PAWR: variants seen among roughly 807,000 people sequenced by gnomAD.
PAWR encodes the protein pro-apoptotic WT1 regulator.
In PAWR, 23 loss-of-function variants were observed where a neutral mutation model predicts 32.0. The observed-to-expected ratio is 0.72, with a 90% CI of 0.52 to 1.02. The LOEUF is 1.02. Among genes scored for constraint, PAWR ranks in the 50% least tolerant of loss-of-function variants. The pLI is 0.00. For missense variants in PAWR, 457 were observed against 437.7 expected (o/e 1.04, Z -0.39); for synonymous variants, 226 against 187.1 (o/e 1.21, Z -1.70).
chr12:79,677,894 C>T (rs1019936397), intron 2 of PAWR, among the ~76,000 whole-genome samples: 1 of 152,108 alleles, frequency 6.6e-6, no homozygotes, highest in African/African-American at 2.4e-5. Context: ...TCAGGGATAA[C>T]GTTAAGCTAT....
chr12:79,659,506 G>A (rs187872653), intron 2 of PAWR, among the ~76,000 whole-genome samples: 236 of 152,190 alleles, frequency 1.6e-3, no homozygotes, highest in African/African-American at 5.3e-3. Flanking sequence ...TTGTACAGAA[G>A]TAATACATGA....
At chr12:79,609,052 G>A (rs6539470) in intron 4 of PAWR, among the ~76,000 whole-genome samples, 35,049 of 151,896 alleles carry the variant, frequency 0.23, 10,923 homozygotes, top group African/African-American at 0.71. Flanking sequence ...CTGGGTGACA[G>A]GAGTGAGACT....
intron 2 of PAWR, among the ~76,000 whole-genome samples, chr12:79,626,345 C>T (rs1470784776): frequency 2.7e-5 from 4 of 148,890 alleles, no homozygotes; most frequent in Non-Finnish European, 4.5e-5. Context: ...CTGCAAGCTC[C>T]GCCTCCCAGG....
chr12:79,676,636 T>C (rs550823223), intron 2 of PAWR, among the ~76,000 whole-genome samples: 1 of 152,280 alleles, frequency 6.6e-6, no homozygotes, highest in East Asian at 1.9e-4. Context: ...TATGAACATA[T>C]CCTGCTCAAG....
rs201988287 is a variant in PAWR at position 79,681,695 on chromosome 12, C to CT, written c.516+8033dup. Among the ~76,000 whole-genome samples, 262 of 151,832 alleles carry CT rather than the reference C, an allele frequency of 1.7e-3. 1 individual carries two copies. The highest frequency in any genetic ancestry group is 5.8e-3 in the African/African-American group (239 of 41,404). On this transcript the variant is annotated intron_variant, in intron 2 of 6. Coordinates refer to ENST00000328827, the MANE Select transcript of PAWR (RefSeq NM_002583.4). ...GAGAGAACTACAGTGAACACACTGC[C>CT]TTTTTTTTAACACATTACTTCTACT... is the stretch of plus-strand genomic sequence containing the variant.
chr12:79,652,872 A>C (rs1171363477), intron 2 of PAWR, among the ~76,000 whole-genome samples: 1 of 152,222 alleles, frequency 6.6e-6, no homozygotes, highest in African/African-American at 2.4e-5. Context: ...AAAGTAATAA[A>C]ATAATATAGA....
chr12:79,585,310 C>G lies in PAWR; in HGVS notation c.*7297G>C. 3.7e-6 allele frequency: 1 copy of G among 266,854 alleles called. No homozygotes were observed. Among genetic ancestry groups the G allele is most frequent in the Non-Finnish European group, 7.3e-6 (1 of 137,190 alleles). The allele number at this position is 266,854 out of a possible 1,614,324, so 16.5% of individuals were successfully genotyped here. A position where few individuals can be genotyped will look rare whatever the true frequency, so the allele number is the denominator to read the frequency against. On this transcript the variant is annotated 3_prime_UTR_variant, in exon 7 of 7. Coordinates refer to ENST00000328827, the MANE Select transcript of PAWR (RefSeq NM_002583.4). ...AAATTACATGAAGCGCTTGTTAAAACAGATTGAGCCCCATCTGCAAAGTTT... is the reference window on the plus strand; with the variant it reads ...AAATTACATGAAGCGCTTGTTAAAAGAGATTGAGCCCCATCTGCAAAGTTT...
intron 2 of PAWR, among the ~76,000 whole-genome samples, chr12:79,657,533 C>T (rs1232430949): frequency 2.0e-5 from 3 of 152,128 alleles, no homozygotes; most frequent in African/African-American, 4.8e-5. Flanking sequence ...GGCTCACGCC[C>T]GTAATCCCAG....
chr12:79,626,352 C>A (rs1214033034), intron 2 of PAWR, among the ~76,000 whole-genome samples: 3 of 149,204 alleles, frequency 2.0e-5, no homozygotes, highest in Non-Finnish European at 3.0e-5. Flanking sequence ...CTCCGCCTCC[C>A]AGGTTCACAC....
At chr12:79,627,483 G>T (rs1875394025) in intron 2 of PAWR, among the ~76,000 whole-genome samples, 2 of 152,106 alleles carry the variant, frequency 1.3e-5, no homozygotes, top group Admixed American at 1.3e-4. Flanking sequence ...GTAGGTTCTG[G>T]ATATTAGCCC....
intron 4 of PAWR, among the ~76,000 whole-genome samples, chr12:79,609,923 G>T (rs1329317346): frequency 6.6e-6 from 1 of 152,208 alleles, no homozygotes; most frequent in Non-Finnish European, 1.5e-5. Context: ...GACTTCAGGG[G>T]TAGTGGGCAT....
chr12:79,604,696 G>C (rs1011147246), intron 4 of PAWR: 2 of 1,288,140 alleles, frequency 1.6e-6, no homozygotes, highest in African/African-American at 3.0e-5. Context: ...ACAGCTCCTT[G>C]CTCTGTGTAG....
intron 4 of PAWR, among the ~76,000 whole-genome samples, chr12:79,602,070 C>T (rs946228805): frequency 5.9e-5 from 9 of 152,048 alleles, no homozygotes; most frequent in East Asian, 5.8e-4. Flanking sequence ...CTCATAAATC[C>T]GCATAGATGG....
intron 2 of PAWR, among the ~76,000 whole-genome samples, chr12:79,644,271 G>C (rs1876469247): frequency 6.6e-6 from 1 of 152,096 alleles, no homozygotes; most frequent in Admixed American, 6.6e-5. Context: ...CATAAAACAA[G>C]TTAATTTTGT....
chr12:79,621,233 T>G (rs1225875553), intron 2 of PAWR, 26 bp from the exon 3 acceptor site: 1 of 1,539,750 alleles, frequency 6.5e-7, no homozygotes, highest in Non-Finnish European at 8.8e-7. Context: ...AGTTTCCATT[T>G]TATTTCTACT....
chr12:79,626,968 T>C (rs923735866), intron 2 of PAWR, among the ~76,000 whole-genome samples: 1 of 152,204 alleles, frequency 6.6e-6, no homozygotes, highest in Non-Finnish European at 1.5e-5. Flanking sequence ...ATATGCCACA[T>C]TTTCTTAATC....
chr12:79,613,533 A>AATGTCTGTCTGACATTG, intron 4 of PAWR, 42 bp downstream of exon 4: 1 of 1,092,066 alleles, frequency 9.2e-7, no homozygotes, highest in Non-Finnish European at 1.4e-6. Flanking sequence ...GACAGACATT[A>AATGTCTGTCTGACATTG]CATTCATGTC....
At chr12:79,630,995 T>C (rs1233336130) in intron 2 of PAWR, among the ~76,000 whole-genome samples, 6 of 151,498 alleles carry the variant, frequency 4.0e-5, no homozygotes, top group African/African-American at 1.5e-4. Context: ...CAAAATGGGG[T>C]CTATCCCAGT....
chr12:79,676,252 A>C (rs1217855281), intron 2 of PAWR, among the ~76,000 whole-genome samples: 1 of 152,158 alleles, frequency 6.6e-6, no homozygotes, highest in Non-Finnish European at 1.5e-5. Context: ...GTAATCTCAC[A>C]TTAATATGGC....
Sources: allele counts gnomAD v4.1 joint callset (sites outside exome capture counted in the v4.1 genomes callset), GRCh38; gene constraint gnomAD v4.1.1; transcripts MANE v1.5; gene names NCBI Gene and HGNC (gene_info 2026-07-23, HGNC 2026-07-21).